Variants in PTPRT observed in about 807,000 individuals in gnomAD.
PTPRT encodes protein tyrosine phosphatase receptor type T.
A neutral mutation model predicts 176.8 loss-of-function variants in PTPRT; 56 were observed. The ratio of observed to expected loss-of-function variants is 0.32; its 90% CI spans 0.26 to 0.40. PTPRT has a LOEUF of 0.40. Ranked by LOEUF, PTPRT falls within the 10% of genes least tolerant of loss-of-function variation. The probability of loss-of-function intolerance (pLI) is 1.00; values close to 1 mark genes in which losing one functional copy is unlikely to be tolerated. For synonymous variants in PTPRT, 783 were observed against 739.0 expected (o/e 1.06, Z -0.96); for missense variants, 1,540 against 1,908.2 (o/e 0.81, Z 3.60).
intron 1 of PTPRT, among the ~76,000 whole-genome samples, chr20:43,040,928 G>C (rs1324799167): frequency 6.6e-6 from 1 of 152,110 alleles, no homozygotes; most frequent in Non-Finnish European, 1.5e-5. Flanking sequence ...GGAACATTTA[G>C]CATTCTTTTG....
Position 42,880,961 on chromosome 20 carries a change from A to C in PTPRT, c.214+4846T>G, listed in dbSNP as rs190743712. Among the ~76,000 whole-genome samples the C allele has an allele frequency of 7.7e-4, 117 of 152,334 alleles. 1 individual carries two copies. Among genetic ancestry groups the C allele is most frequent in the Non-Finnish European group, 2.1e-4 (14 of 68,020 alleles). On this transcript the variant is annotated intron_variant, in intron 2 of 30. Transcript: ENST00000373187. The stretch of plus-strand genomic sequence containing the variant: ...GAGGAAATGTCTAAGCCCTCGATGC[A>C]GCAATGCATCCTGGACTTGAAAAGC...
In PTPRT at chr20:42,155,202, G is replaced by C. The variant is rs561166413; in HGVS notation, c.2682+6150C>G. Among the ~76,000 whole-genome samples the C allele has an allele frequency of 5.9e-5, 9 of 152,282 alleles. No individual in the cohort carries two copies. The South Asian group carries it at 1.5e-3, about 25-fold the overall frequency. ...TGATCTGAAATGTGGCCTGAGCATT[G>C]GTGTTTTTTAAAACTTCCCCAGGTA... On this transcript the variant is annotated intron_variant, in intron 17 of 30. Coordinates refer to ENST00000373187, the MANE Select transcript of PTPRT (RefSeq NM_007050.6).
chr20:43,118,853 T>C (rs766987609), intron 1 of PTPRT, among the ~76,000 whole-genome samples: 4 of 152,192 alleles, frequency 2.6e-5, no homozygotes, highest in Non-Finnish European at 5.9e-5. Context: ...TGTGTAAATG[T>C]TGGTTCAGTA....
chr20:42,429,080 C>A (rs923934158), intron 9 of PTPRT, among the ~76,000 whole-genome samples: 2 of 152,148 alleles, frequency 1.3e-5, no homozygotes, highest in Non-Finnish European at 2.9e-5. Flanking sequence ...TGTATTCACA[C>A]TTAGTAGGAA....
intron 25 of PTPRT, among the ~76,000 whole-genome samples, chr20:42,102,648 G>A (rs965265884): frequency 1.3e-5 from 2 of 152,202 alleles, no homozygotes; most frequent in African/African-American, 4.8e-5. Context: ...AGGGCATACA[G>A]AGGGGTGGGG....
intron 7 of PTPRT, among the ~76,000 whole-genome samples, chr20:42,511,598 T>A (rs2071957822): frequency 6.6e-6 from 1 of 152,154 alleles, no homozygotes; most frequent in Non-Finnish European, 1.5e-5. Flanking sequence ...CTATTACTTC[T>A]GGTGTGGTTC....
At chr20:42,216,488 T>C (rs1010839594) in intron 15 of PTPRT, among the ~76,000 whole-genome samples, 2 of 152,248 alleles carry the variant, frequency 1.3e-5, no homozygotes, top group Non-Finnish European at 2.9e-5. Flanking sequence ...CTCTTCGTGA[T>C]AGGGTAGGCC....
chr20:42,658,385 G>A (rs999411887), intron 7 of PTPRT, among the ~76,000 whole-genome samples: 3 of 152,076 alleles, frequency 2.0e-5, no homozygotes, highest in Non-Finnish European at 4.4e-5. Context: ...GCCTTCTTGC[G>A]CTTAGGAACA....
chr20:42,129,006 C>G (rs1247572686), intron 18 of PTPRT, among the ~76,000 whole-genome samples, 176 bp from the exon 19 acceptor site: 1 of 152,176 alleles, frequency 6.6e-6, no homozygotes, highest in Non-Finnish European at 1.5e-5. Context: ...AGTGGAGGCT[C>G]AGGGAGGTAA....
At chr20:42,835,410 G>C (rs937712877) in intron 2 of PTPRT, among the ~76,000 whole-genome samples, 3 of 152,178 alleles carry the variant, frequency 2.0e-5, no homozygotes, top group African/African-American at 7.2e-5. Flanking sequence ...GTACAAGGAA[G>C]CTTCCAGAGA....
intron 7 of PTPRT, among the ~76,000 whole-genome samples, chr20:42,605,340 G>C (rs1196002635): frequency 6.6e-6 from 1 of 152,124 alleles, no homozygotes; most frequent in African/African-American, 2.4e-5. Flanking sequence ...AAAGCCAAGG[G>C]GGGCCTGGTA....
intron 7 of PTPRT, among the ~76,000 whole-genome samples, chr20:42,578,088 C>T (rs2073296757): frequency 6.6e-6 from 1 of 152,052 alleles, no homozygotes; most frequent in Non-Finnish European, 1.5e-5. Context: ...CCAAGACAAA[C>T]TGAATGGTTG....
chr20:43,180,307 C>G (rs1344237832), intron 1 of PTPRT, among the ~76,000 whole-genome samples: 1 of 146,568 alleles, frequency 6.8e-6, no homozygotes, highest in Admixed American at 6.9e-5. Flanking sequence ...GGCCTCTAAA[C>G]CTGCATGAGC....
chr20:42,107,821 A>AAAAGC (rs1047707021), intron 23 of PTPRT, among the ~76,000 whole-genome samples: 7 of 152,372 alleles, frequency 4.6e-5, no homozygotes, highest in African/African-American at 9.6e-5. Flanking sequence ...AACAAGACAA[A>AAAAGC]AAAGCAATAT....
chr20:42,188,779 C>T (rs947091046), intron 16 of PTPRT, among the ~76,000 whole-genome samples: 1 of 152,114 alleles, frequency 6.6e-6, no homozygotes, highest in African/African-American at 2.4e-5. Context: ...GAGAACAATT[C>T]TATTTTCTTC....
At chr20:42,252,952 C>G (rs1366116303) in intron 13 of PTPRT, among the ~76,000 whole-genome samples, 2 of 152,202 alleles carry the variant, frequency 1.3e-5, no homozygotes, top group Non-Finnish European at 2.9e-5. Flanking sequence ...TTCCCTGGGA[C>G]AGGGAAAATC....
chr20:42,473,792 T>A (rs1472960901), intron 7 of PTPRT, among the ~76,000 whole-genome samples: 1 of 152,168 alleles, frequency 6.6e-6, no homozygotes, highest in Non-Finnish European at 1.5e-5. Context: ...CAGGCATTTG[T>A]TATGTTAGAA....
intron 13 of PTPRT, among the ~76,000 whole-genome samples, chr20:42,267,530 C>T (rs1301266438): frequency 1.3e-5 from 2 of 152,278 alleles, no homozygotes; most frequent in African/African-American, 2.4e-5. Flanking sequence ...TTCTATTAAA[C>T]AGTATGGCTC....
chr20:43,161,029 C>T (rs776450868), intron 1 of PTPRT, among the ~76,000 whole-genome samples: 15 of 152,118 alleles, frequency 9.9e-5, no homozygotes, highest in Non-Finnish European at 1.3e-4. Flanking sequence ...GCTGGGATTA[C>T]AGCCATGAGC....
Sources: gnomAD v4.1 joint callset for allele counts (sites outside exome capture counted in the v4.1 genomes callset) on GRCh38, gnomAD v4.1.1 for gene constraint, MANE v1.5 for transcripts, NCBI Gene and HGNC (gene_info 2026-07-23, HGNC 2026-07-21) for gene names.